SPRYD4: variants seen among roughly 807,000 people sequenced by gnomAD.
SPRYD4 encodes the protein SPRY domain-containing protein 4.
SPRYD4 carries 12 observed loss-of-function variants against 16.6 expected under a neutral mutation model. The ratio of observed to expected loss-of-function variants is 0.72; its 90% CI spans 0.46 to 1.17. SPRYD4 has a LOEUF of 1.17. Ranked by LOEUF, SPRYD4 falls within the 50% of genes most tolerant of loss-of-function variation. The pLI is 0.00. For missense variants in SPRYD4, 260 were observed against 260.2 expected (o/e 1.00, Z 0.00); for synonymous variants, 98 against 105.4 (o/e 0.93, Z 0.43).
Position 56,475,948 on chromosome 12 carries a change from A to G in SPRYD4, c.*6371A>G, listed in dbSNP as rs878999698. 4 of 1,613,754 alleles carry G rather than the reference A, an allele frequency of 2.5e-6. No homozygotes were observed. In the South Asian group the frequency reaches 4.4e-5, roughly 18 times the overall value. On this transcript the variant is annotated 3_prime_UTR_variant, in exon 2 of 2. Coordinates refer to ENST00000338146, the MANE Select transcript of SPRYD4 (RefSeq NM_207344.4). The stretch of plus-strand genomic sequence containing the variant: ...GCTAAGTAGCAAGGGAACTTACAAA[A>G]TCAAACTTCTCTGCTTTGTTACAGT...
Position 56,477,714 on chromosome 12 carries a change from G to T in SPRYD4, c.*8137G>T, listed in dbSNP as rs1869944483. 2 of 1,611,766 alleles carry T rather than the reference G, an allele frequency of 1.2e-6. No homozygotes were observed. Among genetic ancestry groups the T allele is most frequent in the Non-Finnish European group, 1.7e-6 (2 of 1,178,890 alleles). On this transcript the variant is annotated 3_prime_UTR_variant, in exon 2 of 2. Transcript: ENST00000338146. The stretch of plus-strand genomic sequence containing the variant: ...CAGCATTGACCATGGGGTTATGGGG[G>T]ATTCCTGGGGAAATACAAACCACCA...
In SPRYD4 at chr12:56,469,045, G is replaced by A. The variant is rs200030371; in HGVS notation, c.92G>A (p.Ser31Asn). The change falls in exon 2 of 2, where the codon AGT becomes AAT. Residue 31 changes from serine to asparagine, a missense_variant. Ser to Asn is a conservative substitution (Grantham distance 46). Transcript: ENST00000338146. ...VASTEAQRGV[S>N]FKLEEKTAHS... ...CTTTTTGCTCTGCCCGCAGGCGTCA[G>A]TTTCAAACTGGAAGAAAAAACCGCC... 3 of 1,566,198 alleles carry A rather than the reference G, an allele frequency of 1.9e-6. No homozygotes were observed. The Admixed American group carries it at 5.7e-5, about 30-fold the overall frequency.
chr12:56,469,129 T>G lies in SPRYD4; in HGVS notation c.176T>G (p.Leu59Trp). 1 of 1,613,730 alleles carries G rather than the reference T, an allele frequency of 6.2e-7. No homozygotes were observed. Among genetic ancestry groups the G allele is most frequent in the Non-Finnish European group, 8.5e-7 (1 of 1,179,816 alleles). The change falls in exon 2 of 2, where the codon TTG (leucine) becomes TGG (tryptophan). Residue 59 changes from leucine (L) to tryptophan (W), a missense_variant. Coordinates refer to ENST00000338146, the MANE Select transcript of SPRYD4 (RefSeq NM_207344.4). ...DTGVKYGLVG[L>W]EPTKVALNVE... ...GGTGTCAAATATGGCTTGGTGGGAT[T>G]GGAGCCCACCAAGGTGGCCTTGAAT...
At chr12:56,468,882 C>A in intron 1 of SPRYD4, 157 bp from the exon 2 acceptor site, 2 of 1,079,232 alleles carry the variant, frequency 1.9e-6, no homozygotes, top group Non-Finnish European at 2.6e-6. Context: ...CGTGAGCTAT[C>A]CGTAGTAAAG....
In SPRYD4 at chr12:56,469,220, C is replaced by T. The variant is rs1158812383; in HGVS notation, c.267C>T (p.Tyr89=). ...CAGCGGTCACCAGTGGCAGACACTA[C>T]TGGGAAGTGACAGTGAAGCGCTCCC... The part of the protein sequence containing the change: ...ADTAVTSGRH[Y]WEVTVKRSQQ... Residue 89 remains tyrosine, a synonymous_variant, in exon 2 of 2, where the codon TAC becomes TAT. Transcript: ENST00000338146. 1.9e-6 allele frequency: 3 copies of T among 1,614,074 alleles called. No individual in the cohort carries two copies. In the Admixed American group the frequency reaches 5.0e-5, roughly 27 times the overall value.
In SPRYD4 at chr12:56,479,588, G is replaced by A. The variant is rs534467127; in HGVS notation, c.*10011G>A. The A allele has an allele frequency of 3.2e-6, 2 of 616,858 alleles. No homozygotes were observed. Among genetic ancestry groups the A allele is most frequent in the South Asian group, 7.7e-5 (2 of 25,826 alleles). 38.2% of individuals were successfully genotyped at this position (616,858 alleles called of 1,614,324 possible). ...GAAAAGAGGACAGGGATTGAGTAGGGAGGGAAAGGAGAACATGTATTTCTA... is the reference window on the plus strand; with the variant it reads ...GAAAAGAGGACAGGGATTGAGTAGGAAGGGAAAGGAGAACATGTATTTCTA... On this transcript the variant is annotated 3_prime_UTR_variant, in exon 2 of 2. Coordinates refer to ENST00000338146, the MANE Select transcript of SPRYD4 (RefSeq NM_207344.4).
rs1393494943 is a variant in SPRYD4 at position 56,472,530 on chromosome 12, T to TA, written c.*2953_*2954insA. 42 of 661,470 alleles carry TA rather than the reference T, an allele frequency of 6.3e-5. No homozygotes were observed. The African/African-American group carries it at 6.6e-4, about 10-fold the overall frequency. 41.0% of individuals were successfully genotyped at this position (661,470 alleles called of 1,614,324 possible). A position where few individuals can be genotyped will look rare whatever the true frequency, so the allele number is the denominator to read the frequency against. On this transcript the variant is annotated 3_prime_UTR_variant, in exon 2 of 2. Coordinates refer to ENST00000338146, the MANE Select transcript of SPRYD4 (RefSeq NM_207344.4). ...TCATAGAGCAGACAGTTTACTTTTT[T>TA]TAAAAAAAATCTCCTTTTTTAAAAA...
Position 56,469,273 on chromosome 12 carries a change from TG to T in SPRYD4, c.322del (p.Asp108ThrfsTer55), listed in dbSNP as rs754040302. On this transcript the variant is annotated frameshift_variant, in exon 2 of 2. Coordinates refer to ENST00000338146, the MANE Select transcript of SPRYD4 (RefSeq NM_207344.4). LOFTEE classifies it high-confidence loss of function. Reference sequence around the variant, plus strand: ...CAGTTCCGGATAGGAGTGGCAGATGTGGACATGTCCCGGGATAGCTGCATTG... The same window carrying T: ...CAGTTCCGGATAGGAGTGGCAGATGTGACATGTCCCGGGATAGCTGCATTG... ...SQQFRIGVADVDMSRDSCIGV... is the reference protein window; with the variant it reads ...SQQFRIGVADXDMSRDSCIGV... The T allele has an allele frequency of 1.9e-6, 3 of 1,614,104 alleles. No homozygotes were observed. The highest frequency in any genetic ancestry group is 2.5e-6 in the Non-Finnish European group (3 of 1,179,972).
In SPRYD4 at chr12:56,478,363, T is replaced by C. The variant is rs1340734331; in HGVS notation, c.*8786T>C. On this transcript the variant is annotated 3_prime_UTR_variant, in exon 2 of 2. Coordinates refer to ENST00000338146, the MANE Select transcript of SPRYD4 (RefSeq NM_207344.4). ...ATCTTTTAGATAAAAGCTAAAATTC[T>C]GTCTTCTATAGGGCAGAGGGGTTCC... 3 of 1,294,794 alleles carry C rather than the reference T, an allele frequency of 2.3e-6. No homozygotes were observed. In the African/African-American group the frequency reaches 4.4e-5, roughly 19 times the overall value. The allele number at this position is 1,294,794 out of a possible 1,614,324, so 80.2% of individuals were successfully genotyped here.
intron 1 of SPRYD4, 72 bp downstream of exon 1, chr12:56,468,748 G>A (rs1869104426): frequency 6.6e-7 from 1 of 1,507,282 alleles, no homozygotes; most frequent in East Asian, 2.3e-5. Context: ...CCCACTCCGA[G>A]AAGCAACTCC....
In SPRYD4 at chr12:56,469,171, A is replaced by G; in HGVS notation, c.218A>G (p.Glu73Gly). Residue 73 changes from glutamate to glycine, a missense_variant, in exon 2 of 2, where the codon GAG (glutamate) becomes GGG (glycine). Physicochemically the swap from Glu to Gly is moderately conservative, Grantham distance 98 (BLOSUM62 -2). Transcript: ENST00000338146. ...GCCTTGAATGTGGAGCGCTTCCGGGAGTGGGCAGTGGTGCTGGCAGACACA... is the reference window on the plus strand; with the variant it reads ...GCCTTGAATGTGGAGCGCTTCCGGGGGTGGGCAGTGGTGCTGGCAGACACA... ...KVALNVERFR[E>G]WAVVLADTAV... 1 of 1,613,996 alleles carries G rather than the reference A, an allele frequency of 6.2e-7. No homozygotes were observed. The highest frequency in any genetic ancestry group is 8.5e-7 in the Non-Finnish European group (1 of 1,179,984).
chr12:56,478,390 TC>T lies in SPRYD4; in HGVS notation c.*8815del. ...TCTTCTATAGGGCAGAGGGGTTCCC[TC>T]CTGCCTGTTGCTCCCAGAAATGCCC... On this transcript the variant is annotated 3_prime_UTR_variant, in exon 2 of 2. Coordinates refer to ENST00000338146, the MANE Select transcript of SPRYD4 (RefSeq NM_207344.4). 1.1e-6 allele frequency: 1 copy of T among 906,458 alleles called. No individual in the cohort carries two copies. Among genetic ancestry groups the T allele is most frequent in the Non-Finnish European group, 1.7e-6 (1 of 589,744 alleles). 56.2% of individuals were successfully genotyped at this position (906,458 alleles called of 1,614,324 possible).
In SPRYD4 at chr12:56,474,092, C is replaced by CT. The variant is rs67377312; in HGVS notation, c.*4522dup. The CT allele has an allele frequency of 5.0e-3, 491 of 98,900 alleles. 25 individuals carry two copies. The highest frequency in any genetic ancestry group is 8.3e-3 in the Middle Eastern group (2 of 240). The allele number at this position is 98,900 out of a possible 1,614,324, so 6.1% of individuals were successfully genotyped here. The stretch of plus-strand genomic sequence containing the variant: ...AACACCTCTGGTTGTTTTTCTTTTT[C>CT]TTTTTTTCTTTTTTTTTGAGATGGA... On this transcript the variant is annotated 3_prime_UTR_variant, in exon 2 of 2. Coordinates refer to ENST00000338146, the MANE Select transcript of SPRYD4 (RefSeq NM_207344.4).
Position 56,474,608 on chromosome 12 carries a change from C to A in SPRYD4, c.*5031C>A, listed in dbSNP as rs778954931. ...GGAATGCATGAGGCTGAGGGTGTTG[C>A]GCACTGCTTCAGCACTCAGCACACT... On this transcript the variant is annotated 3_prime_UTR_variant, in exon 2 of 2. Coordinates refer to ENST00000338146, the MANE Select transcript of SPRYD4 (RefSeq NM_207344.4). 2 of 1,614,042 alleles carry A rather than the reference C, an allele frequency of 1.2e-6. No homozygotes were observed. Among genetic ancestry groups the A allele is most frequent in the African/African-American group, 2.7e-5 (2 of 74,944 alleles).
In SPRYD4 at chr12:56,468,939, G is replaced by A; in HGVS notation, c.86-100G>A. On this transcript the variant is annotated intron_variant, in intron 1 of 1. Coordinates refer to ENST00000338146, the MANE Select transcript of SPRYD4 (RefSeq NM_207344.4). ...CGCTTGGCATTCTGACTCTTCCCTA[G>A]TTGCTCGTGTATCATGGCTGCCTGC... The A allele has an allele frequency of 3.5e-6, 5 of 1,419,592 alleles. No individual in the cohort carries two copies. In the South Asian group the frequency reaches 7.1e-5, roughly 20 times the overall value. The allele number at this position is 1,419,592 out of a possible 1,614,324, so 87.9% of individuals were successfully genotyped here.
At position 56,469,685 on chromosome 12, in the gene SPRYD4, T is replaced by C; in HGVS notation, c.*108T>C. On this transcript the variant is annotated 3_prime_UTR_variant, in exon 2 of 2. Transcript: ENST00000338146. ...GCAACCTCTAGCTCCCACAATTCAG[T>C]GTTGGGTCCTCTGTGCAATATCATG... The C allele has an allele frequency of 1.8e-6, 2 of 1,083,414 alleles. No homozygotes were observed. Among genetic ancestry groups the C allele is most frequent in the Non-Finnish European group, 2.6e-6 (2 of 771,586 alleles). The allele number at this position is 1,083,414 out of a possible 1,614,324, so 67.1% of individuals were successfully genotyped here.
At position 56,471,571 on chromosome 12, in the gene SPRYD4, G is replaced by A. The variant is rs141876159; in HGVS notation, c.*1994G>A. Reference sequence around the variant, plus strand: ...TTTCAGAGAGTGTGTAGGAGTCCTGGTAATCTTGAAGCAGTTTGACCACCT... The same window carrying A: ...TTTCAGAGAGTGTGTAGGAGTCCTGATAATCTTGAAGCAGTTTGACCACCT... On this transcript the variant is annotated 3_prime_UTR_variant, in exon 2 of 2. Transcript: ENST00000338146. The A allele has an allele frequency of 5.0e-6, 8 of 1,614,012 alleles. No individual in the cohort carries two copies. Among genetic ancestry groups the A allele is most frequent in the Non-Finnish European group, 6.8e-6 (8 of 1,180,028 alleles).
Position 56,468,608 on chromosome 12 carries a change from C to G in SPRYD4, c.17C>G (p.Ala6Gly), listed in dbSNP as rs772888157. The G allele has an allele frequency of 2.2e-5, 35 of 1,613,556 alleles. No homozygotes were observed. The highest frequency in any genetic ancestry group is 2.8e-5 in the Non-Finnish European group (33 of 1,179,986). MALLF[A>G]RSLRLCRWGA... ...AGGCGCAAGATGGCGCTGCTTTTTG[C>G]ACGTTCTTTGCGCTTGTGCCGCTGG... Residue 6 changes from alanine to glycine, a missense_variant, in exon 1 of 2, where the codon GCA becomes GGA. By Grantham distance (60) the Ala-to-Gly change is moderately conservative (BLOSUM62 0). Coordinates refer to ENST00000338146, the MANE Select transcript of SPRYD4 (RefSeq NM_207344.4).
rs1870065463 is a variant in SPRYD4 at position 56,478,983 on chromosome 12, CA to C, written c.*9407del. 1 of 1,386,250 alleles carries C rather than the reference CA, an allele frequency of 7.2e-7. No individual in the cohort carries two copies. Among genetic ancestry groups the C allele is most frequent in the South Asian group, 1.3e-5 (1 of 77,012 alleles). The allele number at this position is 1,386,250 out of a possible 1,614,324, so 85.9% of individuals were successfully genotyped here. On this transcript the variant is annotated 3_prime_UTR_variant, in exon 2 of 2. Transcript: ENST00000338146. ...CGGGTGACAGAGCAAAACTCTGTCT[CA>C]GGAAAAAAAAAAAAAAAAAAAATCT...
Sources: allele counts gnomAD v4.1 joint callset, GRCh38; gene constraint gnomAD v4.1.1; transcripts MANE v1.5; gene names NCBI Gene and HGNC (gene_info 2026-07-23, HGNC 2026-07-21).